Variants in MAD1L1 observed in about 807,000 individuals in gnomAD.
MAD1L1 encodes mitotic arrest deficient 1 like 1, also known as mitotic spindle assembly checkpoint protein MAD1.
In MAD1L1, 95 loss-of-function variants were observed where a neutral mutation model predicts 96.9. The ratio of observed to expected loss-of-function variants is 0.98; its 90% confidence interval spans 0.83 to 1.16. The LOEUF (loss-of-function observed/expected upper bound fraction) is 1.16. Among genes scored for constraint, MAD1L1 ranks in the 50% most tolerant of loss-of-function variants. The pLI is 0.00. For synonymous variants in MAD1L1, 473 were observed against 396.6 expected (o/e 1.19, Z -2.29); for missense variants, 1,007 against 954.4 (o/e 1.06, Z -0.73).
intron 12 of MAD1L1, among the ~76,000 whole-genome samples, chr7:2,044,234 G>A (rs761116397): frequency 5.3e-5 from 8 of 152,206 alleles, no homozygotes; most frequent in Non-Finnish European, 8.8e-5. Context: ...TGTTCAGTCC[G>A]CCAACAACAC....
At chr7:2,172,247 G>T (rs778142219) in intron 10 of MAD1L1, among the ~76,000 whole-genome samples, 1 of 152,072 alleles carries the variant, frequency 6.6e-6, no homozygotes, top group Non-Finnish European at 1.5e-5. Context: ...ACAGCCTTGC[G>T]AGACACCACG....
chr7:1,822,693 G>T (rs1395903593), intron 18 of MAD1L1, among the ~76,000 whole-genome samples: 1 of 151,462 alleles, frequency 6.6e-6, no homozygotes, highest in East Asian at 1.9e-4. Context: ...CCAAGTGTTG[G>T]GATTACAGGC....
intron 17 of MAD1L1, among the ~76,000 whole-genome samples, chr7:1,927,489 G>A (rs760085010): frequency 6.6e-6 from 1 of 152,178 alleles, no homozygotes; most frequent in Non-Finnish European, 1.5e-5. Flanking sequence ...AGGAACAGAC[G>A]CTTAGATCAA....
chr7:2,069,280 C>T lies in MAD1L1; in HGVS notation c.1132G>A (p.Gly378Ser), dbSNP rs763616001. Reference protein sequence around the residue: ...QLQEELRQVSGQLLEERKKRE... With the variant: ...QLQEELRQVSSQLLEERKKRE... ...TTCTTCCTCTCCTCCAACAGCTGGC[C>T]GCTGACCTGCCGGAGCTCCTCCTGC... Residue 378 changes from glycine to serine, a missense_variant, in exon 12 of 19, where the codon GGC becomes AGC. Gly to Ser is a moderately conservative substitution (Grantham distance 56). Coordinates refer to ENST00000265854, the MANE Select transcript of MAD1L1 (RefSeq NM_001013836.2). The T allele has an allele frequency of 1.8e-5, 29 of 1,610,752 alleles. No homozygotes were observed. Among genetic ancestry groups the T allele is most frequent in the East Asian group, 2.2e-5 (1 of 44,720 alleles).
rs776812197 is a variant in MAD1L1, at chr7:2,149,142, C to T, written c.1073+10G>A. The T allele has an allele frequency of 5.0e-6, 8 of 1,613,642 alleles. No homozygotes were observed. The highest frequency in any genetic ancestry group is 6.8e-6 in the Non-Finnish European group (8 of 1,179,864). On this transcript the variant is annotated intron_variant, in intron 11 of 18. Transcript: ENST00000265854. ...GCATCCCCACAAGCACCCTGGGCGG[C>T]CAGGTCTACCTGCTGGTGACGGCGC...
At chr7:1,974,488 G>A (rs961864887) in intron 15 of MAD1L1, among the ~76,000 whole-genome samples, 3 of 152,142 alleles carry the variant, frequency 2.0e-5, no homozygotes, top group East Asian at 3.8e-4. Context: ...ACACTGACAG[G>A]ATGCTTTATA....
intron 11 of MAD1L1, among the ~76,000 whole-genome samples, chr7:2,077,057 G>A (rs1222760089): frequency 1.4e-5 from 2 of 146,008 alleles, no homozygotes; most frequent in African/African-American, 2.6e-5. Flanking sequence ...GTGAGCCCGC[G>A]GCATGGTGAG....
At chr7:2,065,084 A>C (rs1361164140) in intron 12 of MAD1L1, among the ~76,000 whole-genome samples, 2 of 152,240 alleles carry the variant, frequency 1.3e-5, no homozygotes, top group Non-Finnish European at 2.9e-5. Context: ...GGGAGGACAG[A>C]GGCTTCTTCT....
chr7:1,975,772 C>T (rs994259830), intron 15 of MAD1L1, among the ~76,000 whole-genome samples: 13 of 152,074 alleles, frequency 8.5e-5, no homozygotes, highest in African/African-American at 1.2e-4. Flanking sequence ...GGTCACCTCT[C>T]GTCCCCTGAG....
At chr7:2,062,408 T>G (rs1562650481) in intron 12 of MAD1L1, among the ~76,000 whole-genome samples, 1 of 151,472 alleles carries the variant, frequency 6.6e-6, no homozygotes, top group Admixed American at 6.6e-5. Context: ...AACCCTGTCT[T>G]TACTAAAAAT....
In MAD1L1 at chr7:1,961,605, A is replaced by C. The variant is rs557094939; in HGVS notation, c.1506-3886T>G. On this transcript the variant is annotated intron_variant, in intron 15 of 18. Coordinates refer to ENST00000265854, the MANE Select transcript of MAD1L1 (RefSeq NM_001013836.2). ...CTGAACCAAAAGTTACAAAGTTATT[A>C]AAAGAAAATACAGGAGAAAATCTTG... Among the ~76,000 whole-genome samples the C allele has an allele frequency of 2.6e-5, 4 of 152,384 alleles. No individual in the cohort carries two copies. The East Asian group carries it at 7.7e-4, about 29-fold the overall frequency.
At chr7:1,964,040 G>T (rs1213555369) in intron 15 of MAD1L1, among the ~76,000 whole-genome samples, 1 of 152,176 alleles carries the variant, frequency 6.6e-6, no homozygotes, top group African/African-American at 2.4e-5. Flanking sequence ...CCTGAGTAAA[G>T]GGGAGACTGA....
intron 17 of MAD1L1, among the ~76,000 whole-genome samples, chr7:1,918,363 C>T (rs943409612): frequency 6.6e-6 from 1 of 152,162 alleles, no homozygotes; most frequent in African/African-American, 2.4e-5. Context: ...GTTCTGGGAG[C>T]GTCTGTCTGG....
intron 17 of MAD1L1, among the ~76,000 whole-genome samples, chr7:1,912,996 C>T (rs528542608): frequency 1.5e-4 from 23 of 152,150 alleles, no homozygotes; most frequent in Non-Finnish European, 2.8e-4. Flanking sequence ...CCCCGGCAGG[C>T]GAGCCCCCTC....
chr7:2,097,503 C>T (rs528019211), intron 11 of MAD1L1, among the ~76,000 whole-genome samples: 5 of 152,166 alleles, frequency 3.3e-5, no homozygotes, highest in South Asian at 4.2e-4. Flanking sequence ...GCAATGGGGC[C>T]GAGGAACAAT....
intron 12 of MAD1L1, among the ~76,000 whole-genome samples, chr7:2,042,164 T>G (rs563486221): frequency 6.7e-6 from 1 of 148,570 alleles, no homozygotes; most frequent in Non-Finnish European, 1.5e-5. Flanking sequence ...CACACATATG[T>G]ACACACATAC....
rs142646086 is a variant in MAD1L1, at chr7:2,054,807, T to C, written c.1218+14387A>G. Reference sequence around the variant, plus strand: ...TACGTGGAGGGATGTGCTTTAAGTATGAACAAAGCAAGGTCTGAAGCTGAA... The same window carrying C: ...TACGTGGAGGGATGTGCTTTAAGTACGAACAAAGCAAGGTCTGAAGCTGAA... On this transcript the variant is annotated intron_variant, in intron 12 of 18. Transcript: ENST00000265854. Among the ~76,000 whole-genome samples the C allele has an allele frequency of 3.9e-5, 6 of 152,306 alleles. No homozygotes were observed. The East Asian group carries it at 1.2e-3, about 29-fold the overall frequency.
chr7:1,840,912 G>A (rs1033544964), intron 18 of MAD1L1, among the ~76,000 whole-genome samples: 8 of 152,232 alleles, frequency 5.3e-5, no homozygotes, highest in Non-Finnish European at 8.8e-5. Context: ...TGCAGACGGC[G>A]AGAGGCCACG....
chr7:2,134,849 C>T (rs1386606034), intron 11 of MAD1L1, among the ~76,000 whole-genome samples: 1 of 152,212 alleles, frequency 6.6e-6, no homozygotes, highest in Non-Finnish European at 1.5e-5. Flanking sequence ...CCCTGCTGCT[C>T]ATCTAGGGCA....
Sources: gnomAD v4.1 joint callset for allele counts (sites outside exome capture counted in the v4.1 genomes callset) on GRCh38, gnomAD v4.1.1 for gene constraint, MANE v1.5 for transcripts, NCBI Gene and HGNC (gene_info 2026-07-23, HGNC 2026-07-21) for gene names.